Variants in STAG1 observed in about 807,000 individuals in gnomAD.
STAG1 encodes STAG1 cohesin complex component, also known as cohesin subunit SA-1.
STAG1 carries 26 observed loss-of-function variants against 170.9 expected under a neutral mutation model. That is an observed-to-expected ratio of 0.15 (90% CI 0.11 to 0.21). The LOEUF is 0.21. STAG1 is among the 10% of genes least tolerant of loss of function. The pLI is 1.00. For synonymous variants in STAG1, 514 were observed against 497.7 expected (o/e 1.03, Z -0.44); for missense variants, 964 against 1,509.5 (o/e 0.64, Z 5.99).
chr3:136,714,993 TTA>T (rs1359466713), intron 1 of STAG1, among the ~76,000 whole-genome samples: 17 of 110,784 alleles, frequency 1.5e-4, no homozygotes, highest in East Asian at 6.4e-4. Context: ...TATATATATT[TTA>T]TATATATAAT....
At chr3:136,592,725 T>C (rs1938246437) in intron 4 of STAG1, among the ~76,000 whole-genome samples, 1 of 152,124 alleles carries the variant, frequency 6.6e-6, no homozygotes, top group South Asian at 2.1e-4. Flanking sequence ...TAGGTGGCAA[T>C]TTCTTATCCA....
chr3:136,579,781 TCCC>T (rs1461095495), intron 4 of STAG1, among the ~76,000 whole-genome samples: 1 of 152,102 alleles, frequency 6.6e-6, no homozygotes, highest in Non-Finnish European at 1.5e-5. Flanking sequence ...TTAGATGTAC[TCCC>T]CGTTCATCAT....
intron 10 of STAG1, among the ~76,000 whole-genome samples, chr3:136,476,513 T>C (rs970830990): frequency 1.3e-5 from 2 of 152,202 alleles, no homozygotes; most frequent in Non-Finnish European, 2.9e-5. Context: ...GTAACATGTA[T>C]AATGAAAGGA....
At chr3:136,579,109 A>G (rs1246063492) in intron 4 of STAG1, among the ~76,000 whole-genome samples, 1 of 152,190 alleles carries the variant, frequency 6.6e-6, no homozygotes, top group Non-Finnish European at 1.5e-5. Flanking sequence ...GATCTTGAAG[A>G]ATGACTATGG....
intron 6 of STAG1, among the ~76,000 whole-genome samples, chr3:136,530,314 G>C (rs1025050594): frequency 6.6e-6 from 1 of 152,112 alleles, no homozygotes; most frequent in Non-Finnish European, 1.5e-5. Flanking sequence ...CGATCATCTA[G>C]ACAGAAATTC....
intron 22 of STAG1, among the ~76,000 whole-genome samples, chr3:136,389,809 C>T (rs752847544): frequency 4.6e-5 from 7 of 151,078 alleles, no homozygotes; most frequent in East Asian, 2.0e-4. Flanking sequence ...TGTGAGCCAC[C>T]GCACCTGGCC....
intron 22 of STAG1, among the ~76,000 whole-genome samples, chr3:136,390,011 T>C (rs187146637): frequency 2.0e-5 from 3 of 152,060 alleles, no homozygotes; most frequent in African/African-American, 7.2e-5. Context: ...TTTTCTATTT[T>C]TGGTAGAGAT....
intron 15 of STAG1, among the ~76,000 whole-genome samples, chr3:136,438,704 T>C (rs573380789): frequency 6.6e-6 from 1 of 152,166 alleles, no homozygotes; most frequent in Non-Finnish European, 1.5e-5. Flanking sequence ...AAGCTCCATA[T>C]TGGCAGTGAG....
intron 23 of STAG1, 147 bp from the exon 24 acceptor site, chr3:136,369,429 A>C (rs1470423178): frequency 3.3e-6 from 2 of 606,342 alleles, no homozygotes; most frequent in Non-Finnish European, 5.0e-6. Flanking sequence ...TATTGTTATA[A>C]TTTCCAAATT....
intron 1 of STAG1, among the ~76,000 whole-genome samples, chr3:136,723,745 C>T (rs1933465027): frequency 1.4e-5 from 2 of 139,778 alleles, no homozygotes; most frequent in South Asian, 4.5e-4. Flanking sequence ...AGTGAGGAGC[C>T]CCTCTGCCCG....
chr3:136,491,808 C>T (rs774583027), intron 9 of STAG1, among the ~76,000 whole-genome samples: 1 of 152,120 alleles, frequency 6.6e-6, no homozygotes, highest in Non-Finnish European at 1.5e-5. Context: ...GCCAGGCCAA[C>T]ATGGTGAAAC....
At chr3:136,542,399 T>C (rs776081387) in intron 5 of STAG1, among the ~76,000 whole-genome samples, 58 of 152,148 alleles carry the variant, frequency 3.8e-4, no homozygotes, top group Non-Finnish European at 7.6e-4. Flanking sequence ...AATTTTGAAA[T>C]TGCCGTTTTT....
At chr3:136,449,074 C>T (rs1224517315) in intron 14 of STAG1, among the ~76,000 whole-genome samples, 1 of 152,162 alleles carries the variant, frequency 6.6e-6, no homozygotes, top group Non-Finnish European at 1.5e-5. Flanking sequence ...TACCATCATA[C>T]TATGAGAATA....
intron 2 of STAG1, among the ~76,000 whole-genome samples, chr3:136,625,896 C>A (rs1940069801): frequency 6.6e-6 from 1 of 152,168 alleles, no homozygotes; most frequent in African/African-American, 2.4e-5. Flanking sequence ...GTATTTAAAA[C>A]CATAAATAAG....
chr3:136,342,444 G>T (rs1430724744), intron 30 of STAG1, among the ~76,000 whole-genome samples: 1 of 151,824 alleles, frequency 6.6e-6, no homozygotes, highest in Admixed American at 6.6e-5. Flanking sequence ...TCAGCCTTCC[G>T]AGTAGCTGGG....
At chr3:136,502,878 G>C (rs1933554842) in intron 7 of STAG1, 99 bp from the exon 8 acceptor site, 9 of 972,490 alleles carry the variant, frequency 9.3e-6, no homozygotes, top group African/African-American at 1.7e-5. Flanking sequence ...TGAAACTAGT[G>C]AATTTCTGTT....
At chr3:136,357,584 A>G (rs1936706522) in intron 28 of STAG1, 136 bp downstream of exon 28, 14 of 644,826 alleles carry the variant, frequency 2.2e-5, no homozygotes, top group Non-Finnish European at 3.5e-5. Flanking sequence ...AAGGAAAACT[A>G]TAATTCCTTA....
At chr3:136,575,114 GT>G (rs775908627) in intron 4 of STAG1, among the ~76,000 whole-genome samples, 8 of 152,182 alleles carry the variant, frequency 5.3e-5, no homozygotes, top group Non-Finnish European at 1.0e-4. Flanking sequence ...ACCTACAGTA[GT>G]GTTTACAAGA....
At chr3:136,706,031 C>A (rs547655965) in intron 1 of STAG1, among the ~76,000 whole-genome samples, 37 of 152,088 alleles carry the variant, frequency 2.4e-4, no homozygotes, top group African/African-American at 8.7e-4. Context: ...GATCATGCCA[C>A]TGCACTCCAG....
Sources: gnomAD v4.1 joint callset for allele counts (sites outside exome capture counted in the v4.1 genomes callset) on GRCh38, gnomAD v4.1.1 for gene constraint, MANE v1.5 for transcripts, NCBI Gene and HGNC (gene_info 2026-07-23, HGNC 2026-07-21) for gene names.